The following WDR36 variants were observed in gnomAD, a reference collection of about 807,000 sequenced individuals.
WDR36 encodes the protein WD repeat-containing protein 36.
Under a neutral mutation model 112.7 loss-of-function variants are expected in WDR36, and 63 were observed. The observed-to-expected ratio is 0.56, with a 90% CI of 0.46 to 0.69. The LOEUF (loss-of-function observed/expected upper bound fraction) is 0.69, where lower values mean the gene tolerates loss of function less well. WDR36 is among the 30% of genes least tolerant of loss of function. The probability of loss-of-function intolerance (pLI) is 0.00; values close to 1 mark genes in which losing one functional copy is unlikely to be tolerated. For missense variants in WDR36, 1,226 were observed against 1,070.3 expected (o/e 1.15, Z -2.03); for synonymous variants, 410 against 362.2 (o/e 1.13, Z -1.50).
chr5:111,101,892 T>C (rs1753127431), intron 5 of WDR36, among the ~76,000 whole-genome samples: 2 of 151,792 alleles, frequency 1.3e-5, no homozygotes, highest in Non-Finnish European at 3.0e-5. Flanking sequence ...CTCTGTTTGC[T>C]CCATGGATGT....
chr5:111,110,912 C>A lies in WDR36; in HGVS notation c.1566C>A (p.Ser522Arg). ...ACAAAATTTTAATCCATTCTGTGAG[C>A]CTCAGTTCATCTCCAAATATCATGT... is the stretch of plus-strand genomic sequence containing the variant. Reference protein sequence around the residue: ...FKNKILIHSVSLSSSPNIMLL... With the variant: ...FKNKILIHSVRLSSSPNIMLL... Residue 522 changes from serine to arginine, a missense_variant, in exon 14 of 23, where the codon AGC (serine) becomes AGA (arginine). Coordinates refer to ENST00000513710, the MANE Select transcript of WDR36 (RefSeq NM_139281.3). 6.2e-7 allele frequency: 1 copy of A among 1,611,424 alleles called. No homozygotes were observed. The highest frequency in any genetic ancestry group is 1.1e-5 in the South Asian group (1 of 91,002).
At chr5:111,105,621 C>T (rs927023598) in intron 10 of WDR36, among the ~76,000 whole-genome samples, 7 of 151,536 alleles carry the variant, frequency 4.6e-5, no homozygotes, top group Admixed American at 2.0e-4. Flanking sequence ...TTCATGGCCT[C>T]ACTTGAGCTA....
chr5:111,104,957 C>T, intron 9 of WDR36, 140 bp downstream of exon 9: 10 of 1,299,830 alleles, frequency 7.7e-6, no homozygotes, highest in Non-Finnish European at 9.8e-6. Context: ...ACTAAGAGTC[C>T]TTTTTGTCTA....
At chr5:111,107,080 G>A (rs182167040) in intron 11 of WDR36, among the ~76,000 whole-genome samples, 73 of 151,306 alleles carry the variant, frequency 4.8e-4, no homozygotes, top group Admixed American at 1.7e-3. Context: ...ATATCACAAC[G>A]TTATGTTCTA....
chr5:111,126,312 A>G (rs1753677797), intron 22 of WDR36, among the ~76,000 whole-genome samples: 2 of 151,976 alleles, frequency 1.3e-5, no homozygotes, highest in African/African-American at 4.8e-5. Context: ...TGACAATAAG[A>G]CTGTTACTTT....
chr5:111,120,455 T>C (rs1753541936), intron 17 of WDR36, 41 bp from the exon 18 acceptor site: 1 of 1,509,292 alleles, frequency 6.6e-7, no homozygotes, highest in Middle Eastern at 1.7e-4. Context: ...AAAGAAACTT[T>C]TTATAATTTT....
intron 16 of WDR36, among the ~76,000 whole-genome samples, chr5:111,115,697 A>G (rs1197005421): frequency 6.6e-6 from 1 of 152,236 alleles, no homozygotes; most frequent in African/African-American, 2.4e-5. Context: ...GCTATCTATG[A>G]GTAAACCCTT....
chr5:111,095,367 C>G (rs1044251467), intron 2 of WDR36, among the ~76,000 whole-genome samples: 1 of 152,088 alleles, frequency 6.6e-6, no homozygotes, highest in African/African-American at 2.4e-5. Context: ...TTAGGAGGCT[C>G]TATTTTTAAG....
At position 111,107,346 on chromosome 5, in the gene WDR36, G is replaced by A; in HGVS notation, c.1233G>A (p.Lys411=). Residue 411 remains lysine, a synonymous_variant, in exon 12 of 23, where the codon AAG becomes AAA. Coordinates refer to ENST00000513710, the MANE Select transcript of WDR36 (RefSeq NM_139281.3). ...GTATCATTGCTTGCCATCAAGGTAA[G>A]CTATCTTGCTCAACCTGGAATTATC... ...WDGIIACHQG[K]LSCSTWNYQK... 1 of 1,610,596 alleles carries A rather than the reference G, an allele frequency of 6.2e-7. No homozygotes were observed. The highest frequency in any genetic ancestry group is 8.5e-7 in the Non-Finnish European group (1 of 1,177,742).
Position 111,121,063 on chromosome 5 carries a change from G to A in WDR36, c.2070G>A (p.Gln690=). Residue 690 remains glutamine, a synonymous_variant, in exon 19 of 23, where the codon CAG becomes CAA. Transcript: ENST00000513710. ...TGATAGAATATGATTCGCCAGAACA[G>A]TTGAATGAGCAATTGGTGACTCTTT... ...DELIEYDSPE[Q]LNEQLVTLSL... The A allele has an allele frequency of 1.2e-6, 2 of 1,613,634 alleles. No homozygotes were observed. The highest frequency in any genetic ancestry group is 1.1e-5 in the South Asian group (1 of 91,066).
At chr5:111,105,586 A>G (rs1271530194) in intron 10 of WDR36, among the ~76,000 whole-genome samples, 2 of 151,548 alleles carry the variant, frequency 1.3e-5, no homozygotes, top group Non-Finnish European at 3.0e-5. Context: ...GGTGGTAAAA[A>G]CATACTGCTG....
intron 16 of WDR36, 53 bp from the exon 17 acceptor site, chr5:111,118,960 A>G (rs1253837691): frequency 6.9e-7 from 1 of 1,442,880 alleles, no homozygotes; most frequent in Non-Finnish European, 9.7e-7. Context: ...TTTGTGAATT[A>G]TCTCCTTTTT....
rs550165664 is a variant in WDR36, at chr5:111,124,266, A to G, written c.2350+77A>G. On this transcript the variant is annotated intron_variant, in intron 21 of 22. Coordinates refer to ENST00000513710, the MANE Select transcript of WDR36 (RefSeq NM_139281.3). ...TATATGAGGAGAAATTGAAGGAAAT[A>G]TCAGCGTTCTCAGTAGTTAAGATAG... 285 of 1,222,578 alleles carry G rather than the reference A, an allele frequency of 2.3e-4. No individual in the cohort carries two copies. The South Asian group carries it at 3.6e-3, about 16-fold the overall frequency. The allele number at this position is 1,222,578 out of a possible 1,614,324, so 75.7% of individuals were successfully genotyped here. A position where few individuals can be genotyped will look rare whatever the true frequency, so the allele number is the denominator to read the frequency against.
At chr5:111,112,362 A>T (rs1753359148) in intron 15 of WDR36, among the ~76,000 whole-genome samples, 1 of 151,952 alleles carries the variant, frequency 6.6e-6, no homozygotes, top group African/African-American at 2.4e-5. Flanking sequence ...CTGTAAATTG[A>T]TCTATCTATA....
At position 111,126,810 on chromosome 5, in the gene WDR36, A is replaced by G; in HGVS notation, c.2615A>G (p.Asn872Ser). ...AATTTGTCATCCCAGGTGGAAGAAA[A>G]CTGGACCCATTTGCAATCACTCTTC... ...ITNLSSQVEE[N>S]WTHLQSLFNQ... Residue 872 changes from asparagine to serine, a missense_variant, in exon 23 of 23, where the codon AAC becomes AGC. By Grantham distance (46) the Asn-to-Ser change is conservative (BLOSUM62 1). Coordinates refer to ENST00000513710, the MANE Select transcript of WDR36 (RefSeq NM_139281.3). 1.2e-6 allele frequency: 2 copies of G among 1,613,740 alleles called. No individual in the cohort carries two copies. Among genetic ancestry groups the G allele is most frequent in the Non-Finnish European group, 1.7e-6 (2 of 1,179,828 alleles).
intron 12 of WDR36, among the ~76,000 whole-genome samples, chr5:111,109,933 T>C (rs563185973): frequency 4.0e-4 from 61 of 151,580 alleles, no homozygotes; most frequent in Non-Finnish European, 8.0e-4. Flanking sequence ...TACATTTAAA[T>C]TGAGTTAACC....
At chr5:111,105,740 T>C (rs1379300) in intron 10 of WDR36, among the ~76,000 whole-genome samples, 79,856 of 151,248 alleles carry the variant, frequency 0.53, 21,729 homozygotes, top group South Asian at 0.69. Context: ...CTTTCCCTTT[T>C]CATGGTTTCC....
At position 111,126,923 on chromosome 5, in the gene WDR36, G is replaced by A; in HGVS notation, c.*40G>A. The A allele has an allele frequency of 6.6e-7, 1 of 1,520,588 alleles. No homozygotes were observed. The highest frequency in any genetic ancestry group is 8.9e-7 in the Non-Finnish European group (1 of 1,124,866). The allele number at this position is 1,520,588 out of a possible 1,614,324, so 94.2% of individuals were successfully genotyped here. A position where few individuals can be genotyped will look rare whatever the true frequency, so the allele number is the denominator to read the frequency against. On this transcript the variant is annotated 3_prime_UTR_variant, in exon 23 of 23. Transcript: ENST00000513710. ...CTAAACAAAGACTTTCATATTAAAT[G>A]GGTTCAATTGAACTCATTTCTTATT...
Position 111,111,245 on chromosome 5 carries a change from G to A in WDR36, c.1683G>A (p.Glu561=). The A allele has an allele frequency of 1.2e-6, 2 of 1,611,650 alleles. No individual in the cohort carries two copies. Among genetic ancestry groups the A allele is most frequent in the East Asian group, 2.2e-5 (1 of 44,786 alleles). ...TAGAAACTAGGAAGATTGTCAGAGA[G>A]TTTTCTGGACACCAAGGCCAAATAA... is the stretch of plus-strand genomic sequence containing the variant. ...LDIETRKIVR[E]FSGHQGQIND... Residue 561 remains glutamate, a synonymous_variant, in exon 15 of 23, where the codon GAG becomes GAA. Transcript: ENST00000513710.
Sources: allele counts gnomAD v4.1 joint callset (sites outside exome capture counted in the v4.1 genomes callset), GRCh38; gene constraint gnomAD v4.1.1; transcripts MANE v1.5; gene names NCBI Gene and HGNC (gene_info 2026-07-23, HGNC 2026-07-21).